The following APBB2 variants were observed in gnomAD, a reference collection of about 807,000 sequenced individuals.
The protein encoded by APBB2 is amyloid beta precursor protein binding family B member 2, also known as Fe65-like 1.
Under a neutral mutation model 82.5 loss-of-function variants are expected in APBB2, and 38 were observed. The ratio of observed to expected loss-of-function variants is 0.46; its 90% CI spans 0.36 to 0.60. APBB2 has a LOEUF of 0.60. Ranked by LOEUF, APBB2 falls within the 20% of genes least tolerant of loss-of-function variation. APBB2 has a pLI of 0.00. For missense variants in APBB2, 772 were observed against 972.3 expected (o/e 0.79, Z 2.74); for synonymous variants, 341 against 368.2 (o/e 0.93, Z 0.85).
intron 1 of APBB2, among the ~76,000 whole-genome samples, chr4:41,174,735 G>A (rs1049349709): frequency 3.3e-5 from 5 of 152,142 alleles, no homozygotes; most frequent in African/African-American, 4.8e-5. Context: ...GTCAAGCTCT[G>A]AAGAACTACG....
At chr4:41,090,844 G>A (rs1741437348) in intron 3 of APBB2, among the ~76,000 whole-genome samples, 1 of 152,124 alleles carries the variant, frequency 6.6e-6, no homozygotes, top group African/African-American at 2.4e-5. Context: ...CCACAGTGGG[G>A]AAGAAGGCAT....
At chr4:40,950,569 C>T (rs577851353) in intron 6 of APBB2, among the ~76,000 whole-genome samples, 18 of 152,104 alleles carry the variant, frequency 1.2e-4, no homozygotes, top group South Asian at 4.2e-4. Context: ...CAAAATTGGC[C>T]GGGTGTGGGG....
At chr4:40,964,561 G>C (rs533598951) in intron 6 of APBB2, among the ~76,000 whole-genome samples, 1 of 152,046 alleles carries the variant, frequency 6.6e-6, no homozygotes, top group Non-Finnish European at 1.5e-5. Flanking sequence ...AGGAATGTGC[G>C]GGGTGCTCCC....
At chr4:41,144,923 C>G (rs1309203456) in intron 1 of APBB2, among the ~76,000 whole-genome samples, 1 of 152,172 alleles carries the variant, frequency 6.6e-6, no homozygotes, top group Non-Finnish European at 1.5e-5. Context: ...CGTTCAAGAC[C>G]AGCCTGGGCA....
chr4:40,856,018 G>C (rs545784657), intron 12 of APBB2, among the ~76,000 whole-genome samples: 149 of 152,314 alleles, frequency 9.8e-4, no homozygotes, highest in African/African-American at 3.5e-3. Context: ...CTGAACTTTA[G>C]AGAGAATCTT....
At chr4:40,823,880 C>A in intron 15 of APBB2, 121 bp from the exon 16 acceptor site, 3 of 647,412 alleles carry the variant, frequency 4.6e-6, no homozygotes, top group Non-Finnish European at 8.3e-6. Context: ...CAGGACACTT[C>A]ATTCTCATGT....
chr4:41,080,920 A>C lies in APBB2; in HGVS notation c.-148-15247T>G, dbSNP rs111363782. 8.5e-3 allele frequency among the ~76,000 whole-genome samples: 1,295 copies of C among 152,038 alleles called. 16 individuals are homozygous for C. The highest frequency in any genetic ancestry group is 0.028 in the African/African-American group (1,169 of 41,488). On this transcript the variant is annotated intron_variant, in intron 3 of 17. Coordinates refer to ENST00000508593, the MANE Select transcript of APBB2 (RefSeq NM_004307.2). ...TTGTTTTAGGAGATGTTTTGTATTT[A>C]GGAGATATTTTTGTATTTTAGGAGT...
intron 2 of APBB2, among the ~76,000 whole-genome samples, chr4:41,106,847 A>C (rs986386196): frequency 6.6e-6 from 1 of 152,102 alleles, no homozygotes; most frequent in African/African-American, 2.4e-5. Flanking sequence ...TGCTTACTGG[A>C]GAAATAGTTG....
intron 12 of APBB2, among the ~76,000 whole-genome samples, chr4:40,831,042 T>G (rs1751699093): frequency 6.6e-6 from 1 of 152,182 alleles, no homozygotes; most frequent in Non-Finnish European, 1.5e-5. Context: ...GAGGTTGCAG[T>G]GAGCTATAAT....
chr4:41,143,766 G>C (rs1007383687), intron 1 of APBB2, among the ~76,000 whole-genome samples: 1 of 152,198 alleles, frequency 6.6e-6, no homozygotes, highest in African/African-American at 2.4e-5. Flanking sequence ...ATCCAAAGGG[G>C]AAACGAATAA....
At chr4:41,090,158 T>C (rs1741197777) in intron 3 of APBB2, among the ~76,000 whole-genome samples, 1 of 152,218 alleles carries the variant, frequency 6.6e-6, no homozygotes, top group Non-Finnish European at 1.5e-5. Flanking sequence ...AAATTTGAAT[T>C]TAACATTTCC....
At chr4:41,199,597 A>G (rs765548187) in intron 1 of APBB2, among the ~76,000 whole-genome samples, 1 of 152,192 alleles carries the variant, frequency 6.6e-6, no homozygotes, top group Non-Finnish European at 1.5e-5. Context: ...TATTTGTTAA[A>G]CTCTTAATAG....
At chr4:40,831,898 T>C (rs1346746304) in intron 12 of APBB2, among the ~76,000 whole-genome samples, 1 of 152,172 alleles carries the variant, frequency 6.6e-6, no homozygotes, top group African/African-American at 2.4e-5. Context: ...GTGACATTAC[T>C]TGGCTTCAAA....
At chr4:41,050,987 T>A (rs1725719580) in intron 4 of APBB2, among the ~76,000 whole-genome samples, 1 of 151,836 alleles carries the variant, frequency 6.6e-6, no homozygotes, top group South Asian at 2.1e-4. Context: ...AGGAACAGGG[T>A]GTTTCCCTCG....
intron 10 of APBB2, among the ~76,000 whole-genome samples, chr4:40,904,937 C>T (rs980133595): frequency 2.6e-5 from 4 of 152,108 alleles, no homozygotes; most frequent in Non-Finnish European, 5.9e-5. Context: ...AGACTGTCTA[C>T]AATACACTGA....
At chr4:41,160,191 C>A (rs1764796348) in intron 1 of APBB2, among the ~76,000 whole-genome samples, 1 of 152,054 alleles carries the variant, frequency 6.6e-6, no homozygotes, top group Non-Finnish European at 1.5e-5. Context: ...GGGTGCGGGG[C>A]CTCACAGGTG....
intron 12 of APBB2, among the ~76,000 whole-genome samples, chr4:40,834,948 T>C (rs1753359499): frequency 6.6e-6 from 1 of 152,206 alleles, no homozygotes; most frequent in African/African-American, 2.4e-5. Flanking sequence ...TTGGATTTTA[T>C]GGTGTGGTAT....
intron 10 of APBB2, among the ~76,000 whole-genome samples, chr4:40,911,803 C>T (rs753454021): frequency 2.0e-5 from 3 of 152,154 alleles, no homozygotes; most frequent in Non-Finnish European, 4.4e-5. Flanking sequence ...TGTGCTGGAG[C>T]CGAGCCTCCA....
intron 12 of APBB2, among the ~76,000 whole-genome samples, chr4:40,858,112 C>T (rs1462926112): frequency 2.0e-5 from 3 of 151,982 alleles, no homozygotes; most frequent in Non-Finnish European, 4.4e-5. Flanking sequence ...TCTAGCTGAG[C>T]GCCCCTCCCC....
Sources: allele counts gnomAD v4.1 joint callset (sites outside exome capture counted in the v4.1 genomes callset), GRCh38; gene constraint gnomAD v4.1.1; transcripts MANE v1.5; gene names NCBI Gene and HGNC (gene_info 2026-07-23, HGNC 2026-07-21).